INTS12: variants seen among roughly 807,000 people sequenced by gnomAD.
INTS12 encodes PHD finger protein 22.
In INTS12, 13 loss-of-function variants were observed where a neutral mutation model predicts 41.6. The observed-to-expected ratio is 0.31, with a 90% CI of 0.20 to 0.50. The LOEUF (loss-of-function observed/expected upper bound fraction) is 0.50. Ranked by LOEUF, INTS12 falls within the 20% of genes least tolerant of loss-of-function variation. INTS12 has a pLI of 0.98. For synonymous variants in INTS12, 199 were observed against 191.4 expected (o/e 1.04, Z -0.33); for missense variants, 432 against 541.6 (o/e 0.80, Z 2.01).
Position 105,682,713 on chromosome 4 carries a change from CA to C in INTS12, c.*19del. 6.3e-7 allele frequency: 1 copy of C among 1,591,256 alleles called. No individual in the cohort carries two copies. ...CTTTCATCTTTAGGCTAATATGATA[CA>C]AAAACCTACTTGGCCACATTACTTC... is the stretch of plus-strand genomic sequence containing the variant. On this transcript the variant is annotated 3_prime_UTR_variant, in exon 8 of 8. Transcript: ENST00000340139.
chr4:105,704,362 T>C (rs928831770), intron 1 of INTS12, among the ~76,000 whole-genome samples: 2 of 152,216 alleles, frequency 1.3e-5, no homozygotes, highest in Non-Finnish European at 2.9e-5. Flanking sequence ...TTGTTCTACA[T>C]CTTCTTCCAA....
chr4:105,702,126 A>AT (rs1732097033), intron 2 of INTS12, among the ~76,000 whole-genome samples: 1 of 129,826 alleles, frequency 7.7e-6, no homozygotes, highest in African/African-American at 2.9e-5. Flanking sequence ...ATTTATTTCT[A>AT]TTTCTTTTTT....
rs923033792 is a variant in INTS12 at position 105,687,404 on chromosome 4, A to G, written c.658-566T>C. 2.0e-5 allele frequency among the ~76,000 whole-genome samples: 3 copies of G among 152,224 alleles called. No individual in the cohort carries two copies. The South Asian group carries it at 6.2e-4, about 32-fold the overall frequency. ...ATCTTTAGAGAAAGTTAATAAATAC[A>G]AATTTCTATGTTATGAAAGAATTTT... On this transcript the variant is annotated intron_variant, in intron 6 of 7. Transcript: ENST00000340139.
chr4:105,694,453 G>A (rs1232346230), intron 4 of INTS12, among the ~76,000 whole-genome samples: 1 of 152,026 alleles, frequency 6.6e-6, no homozygotes, highest in African/African-American at 2.4e-5. Flanking sequence ...AGCCTCCTGA[G>A]GTGCTGGAAC....
intron 2 of INTS12, among the ~76,000 whole-genome samples, chr4:105,702,587 A>G (rs1194961108): frequency 6.6e-6 from 1 of 152,172 alleles, no homozygotes; most frequent in East Asian, 1.9e-4. Context: ...TTTTATTACA[A>G]TCAATTCTCC....
intron 3 of INTS12, among the ~76,000 whole-genome samples, chr4:105,696,540 A>C (rs1384314556): frequency 1.3e-5 from 2 of 152,184 alleles, no homozygotes; most frequent in African/African-American, 4.8e-5. Flanking sequence ...ATCAATAGTT[A>C]ATTCCTTTTT....
chr4:105,688,799 G>A (rs577140584), intron 6 of INTS12, among the ~76,000 whole-genome samples: 2 of 152,314 alleles, frequency 1.3e-5, no homozygotes, highest in East Asian at 1.9e-4. Context: ...ACTTCTGCCT[G>A]TGAGATCATG....
At chr4:105,687,780 C>A (rs182257616) in intron 6 of INTS12, among the ~76,000 whole-genome samples, 4 of 152,232 alleles carry the variant, frequency 2.6e-5, no homozygotes, top group Non-Finnish European at 5.9e-5. Flanking sequence ...TGGTGAAACC[C>A]CGTCTCTACT....
At chr4:105,685,651 T>G (rs2149177074) in intron 7 of INTS12, among the ~76,000 whole-genome samples, 1 of 151,948 alleles carries the variant, frequency 6.6e-6, no homozygotes, top group South Asian at 2.1e-4. Flanking sequence ...TCTTTGAGAA[T>G]TTGAGGCTAT....
At chr4:105,688,663 C>T (rs1018615396) in intron 6 of INTS12, among the ~76,000 whole-genome samples, 6 of 152,180 alleles carry the variant, frequency 3.9e-5, no homozygotes, top group African/African-American at 1.4e-4. Flanking sequence ...GGCTCCAAAA[C>T]CATGGCTTTC....
Position 105,692,273 on chromosome 4 carries a change from C to G in INTS12, c.498-138G>C, listed in dbSNP as rs1731717130. 8.1e-6 allele frequency: 6 copies of G among 741,488 alleles called. 1 individual carries two copies. Among genetic ancestry groups the G allele is most frequent in the African/African-American group, 7.2e-5 (4 of 55,750 alleles). The allele number at this position is 741,488 out of a possible 1,614,324, so 45.9% of individuals were successfully genotyped here. A position where few individuals can be genotyped will look rare whatever the true frequency, so the allele number is the denominator to read the frequency against. On this transcript the variant is annotated intron_variant, in intron 5 of 7. Coordinates refer to ENST00000340139, the MANE Select transcript of INTS12 (RefSeq NM_020395.4). ...CCAAGGCAGGCGGATCATTTGAAGTCAGGAGTTCAAGACCAGCCTGGCTGA... is the reference window on the plus strand; with the variant it reads ...CCAAGGCAGGCGGATCATTTGAAGTGAGGAGTTCAAGACCAGCCTGGCTGA...
chr4:105,686,221 G>A (rs1484841788), intron 7 of INTS12, among the ~76,000 whole-genome samples: 3 of 152,020 alleles, frequency 2.0e-5, no homozygotes, highest in Non-Finnish European at 4.4e-5. Context: ...CACTATGCCT[G>A]GGAATTACAG....
At chr4:105,692,164 C>T (rs778714209) in intron 5 of INTS12, 29 bp from the exon 6 acceptor site, 1 of 1,595,832 alleles carries the variant, frequency 6.3e-7, no homozygotes, top group Admixed American at 1.7e-5. Context: ...AAACATTACA[C>T]TACTTTTTTA....
chr4:105,707,455 G>A (rs905170863), intron 1 of INTS12, among the ~76,000 whole-genome samples: 1 of 151,858 alleles, frequency 6.6e-6, no homozygotes, highest in Non-Finnish European at 1.5e-5. Flanking sequence ...AGAATTACTG[G>A]AATTAAGTGA....
intron 6 of INTS12, among the ~76,000 whole-genome samples, chr4:105,687,512 G>C (rs1360547351): frequency 1.3e-5 from 2 of 152,084 alleles, no homozygotes; most frequent in Non-Finnish European, 2.9e-5. Context: ...CTAGGTACTT[G>C]ACTAAATTTT....
At chr4:105,703,035 A>G in intron 2 of INTS12, 1 of 984,544 alleles carries the variant, frequency 1.0e-6, no homozygotes, top group South Asian at 4.7e-5. Flanking sequence ...TACACATACA[A>G]AAATATTTTC....
chr4:105,695,677 T>C lies in INTS12; in HGVS notation c.157-9A>G. On this transcript the variant is annotated splice_polypyrimidine_tract_variant and intron_variant, in intron 3 of 7. Coordinates refer to ENST00000340139, the MANE Select transcript of INTS12 (RefSeq NM_020395.4). ...TTGGGTGGCTCCACATCCTAAAAGA[T>C]GAAAAAAGGTACCAGTAATTAAATA... The C allele has an allele frequency of 2.5e-6, 4 of 1,601,618 alleles. No homozygotes were observed. In the South Asian group the frequency reaches 3.4e-5, roughly 14 times the overall value.
intron 1 of INTS12, chr4:105,706,161 T>A (rs1170382982): frequency 6.6e-6 from 1 of 152,162 alleles, no homozygotes; most frequent in Non-Finnish European, 1.5e-5. Context: ...TTAGTTCTGC[T>A]AGCAGTTTCT....
chr4:105,691,814 A>G (rs1731696659), intron 6 of INTS12, among the ~76,000 whole-genome samples, 162 bp downstream of exon 6: 1 of 152,230 alleles, frequency 6.6e-6, no homozygotes, highest in African/African-American at 2.4e-5. Context: ...GTCTTTAGCA[A>G]TAGAAATATT....
Sources: allele counts gnomAD v4.1 joint callset (sites outside exome capture counted in the v4.1 genomes callset), GRCh38; gene constraint gnomAD v4.1.1; transcripts MANE v1.5; gene names NCBI Gene and HGNC (gene_info 2026-07-23, HGNC 2026-07-21).